TFCP2L1: variants seen among roughly 807,000 people sequenced by gnomAD.
The protein encoded by TFCP2L1 is transcription factor CP2-like protein 1.
A neutral mutation model predicts 72.2 loss-of-function variants in TFCP2L1; 12 were observed. The observed-to-expected ratio is 0.17, with a 90% CI of 0.11 to 0.27. TFCP2L1 has a LOEUF of 0.27. TFCP2L1 is among the 10% of genes least tolerant of loss of function. TFCP2L1 has a pLI of 1.00. For missense variants in TFCP2L1, 488 were observed against 624.6 expected (o/e 0.78, Z 2.33); for synonymous variants, 260 against 251.0 (o/e 1.04, Z -0.34).
At chr2:121,279,064 C>CA (rs1237033593) in intron 2 of TFCP2L1, among the ~76,000 whole-genome samples, 1 of 151,982 alleles carries the variant, frequency 6.6e-6, no homozygotes, top group Non-Finnish European at 1.5e-5. Flanking sequence ...ATGGCCTTAC[C>CA]AACAGGAGCA....
At chr2:121,231,265 C>A (rs1686137977) in intron 13 of TFCP2L1, among the ~76,000 whole-genome samples, 1 of 152,244 alleles carries the variant, frequency 6.6e-6, no homozygotes, top group Admixed American at 6.5e-5. Context: ...GAATGCCTAA[C>A]CCTTTGGCAG....
At chr2:121,262,572 A>T (rs1401454580) in intron 2 of TFCP2L1, among the ~76,000 whole-genome samples, 1 of 152,246 alleles carries the variant, frequency 6.6e-6, no homozygotes, top group Non-Finnish European at 1.5e-5. Context: ...CTCAGGAGAC[A>T]TGGCAACTCC....
At chr2:121,233,943 A>G in intron 12 of TFCP2L1, 148 bp downstream of exon 12, 1 of 707,216 alleles carries the variant, frequency 1.4e-6, no homozygotes, top group Non-Finnish European at 2.4e-6. Context: ...AGGAGCATGC[A>G]CTAGGCTGCC....
chr2:121,271,669 T>C (rs1252356042), intron 2 of TFCP2L1, among the ~76,000 whole-genome samples: 1 of 152,242 alleles, frequency 6.6e-6, no homozygotes, highest in Non-Finnish European at 1.5e-5. Context: ...TGGGTACTTA[T>C]TGTTTGCCAG....
Position 121,220,889 on chromosome 2 carries a change from G to C in TFCP2L1, c.*3452C>G, listed in dbSNP as rs116740749. ...AGCTATAAGCTTTAACTACAACCACGAGAAGGTAAGAAGAGCAGATGCCAG... is the reference window on the plus strand; with the variant it reads ...AGCTATAAGCTTTAACTACAACCACCAGAAGGTAAGAAGAGCAGATGCCAG... On this transcript the variant is annotated 3_prime_UTR_variant, in exon 15 of 15. Coordinates refer to ENST00000263707, the MANE Select transcript of TFCP2L1 (RefSeq NM_014553.3). 6.6e-6 allele frequency: 1 copy of C among 152,090 alleles called. No homozygotes were observed. The highest frequency in any genetic ancestry group is 6.6e-5 in the Admixed American group (1 of 15,266). 9.4% of individuals were successfully genotyped at this position (152,090 alleles called of 1,614,324 possible). A position where few individuals can be genotyped will look rare whatever the true frequency, so the allele number is the denominator to read the frequency against.
At chr2:121,225,484 G>T in intron 14 of TFCP2L1, 78 bp downstream of exon 14, 1 of 1,393,382 alleles carries the variant, frequency 7.2e-7, no homozygotes, top group Non-Finnish European at 1.0e-6. Context: ...AGCACTCTCT[G>T]GAAGGGCCCA....
rs71829928 is a variant in TFCP2L1 at position 121,250,346 on chromosome 2, T to TTATATATATA, written c.215-709_215-700dup. On this transcript the variant is annotated intron_variant, in intron 2 of 14. Coordinates refer to ENST00000263707, the MANE Select transcript of TFCP2L1 (RefSeq NM_014553.3). ...GATACACCATGTTCCCAGAAGACTG[T>TTATATATATA]TATATATATATATATATACACACAC... Among the ~76,000 whole-genome samples, 196 of 142,074 alleles carry TTATATATATA rather than the reference T, an allele frequency of 1.4e-3. 2 individuals are homozygous for TTATATATATA. The highest frequency in any genetic ancestry group is 4.8e-3 in the African/African-American group (181 of 37,542). The allele number at this position is 142,074 out of a possible 152,430, so 93.2% of individuals were successfully genotyped here.
chr2:121,249,109 G>T (rs761538689), intron 3 of TFCP2L1, 22 bp from the exon 4 acceptor site: 22 of 1,525,024 alleles, frequency 1.4e-5, no homozygotes. Flanking sequence ...GGCCAGCAGG[G>T]AAACAAGTGA....
Position 121,246,805 on chromosome 2 carries a change from G to A in TFCP2L1, c.657+13C>T, listed in dbSNP as rs200029800. On this transcript the variant is annotated intron_variant, in intron 6 of 14. Coordinates refer to ENST00000263707, the MANE Select transcript of TFCP2L1 (RefSeq NM_014553.3). ...AGCAGCAGGGCACGGCAGAGCCTGC[G>A]AAGCCATCCTACCTTGAACACCTTG... The A allele has an allele frequency of 2.9e-5, 46 of 1,613,996 alleles. No individual in the cohort carries two copies. The highest frequency in any genetic ancestry group is 1.5e-4 in the African/African-American group (11 of 75,052).
chr2:121,254,294 TCAAA>T (rs757054296), intron 2 of TFCP2L1, among the ~76,000 whole-genome samples: 2 of 152,098 alleles, frequency 1.3e-5, no homozygotes, highest in Non-Finnish European at 2.9e-5. Context: ...CTGGAGTACA[TCAAA>T]CAGTCCTGGA....
chr2:121,277,686 A>G (rs1573399235), intron 2 of TFCP2L1, among the ~76,000 whole-genome samples: 1 of 152,366 alleles, frequency 6.6e-6, no homozygotes, highest in Middle Eastern at 3.4e-3. Flanking sequence ...GAAATATACA[A>G]TGTAATACTA....
At position 121,216,958 on chromosome 2, in the gene TFCP2L1, TC is replaced by T. The variant is rs1473995833; in HGVS notation, c.*7382del. 1 of 152,250 alleles carries T rather than the reference TC, an allele frequency of 6.6e-6. No individual in the cohort carries two copies. The highest frequency in any genetic ancestry group is 1.9e-4 in the East Asian group (1 of 5,188). 9.4% of individuals were successfully genotyped at this position (152,250 alleles called of 1,614,324 possible). A position where few individuals can be genotyped will look rare whatever the true frequency, so the allele number is the denominator to read the frequency against. ...GGCTGCAGAGAGGCACCCCAAACAG[TC>T]CCCTTCTCTTCTGTGGTTAACCAAG... On this transcript the variant is annotated 3_prime_UTR_variant, in exon 15 of 15. Transcript: ENST00000263707.
intron 2 of TFCP2L1, among the ~76,000 whole-genome samples, chr2:121,254,592 G>A (rs1218829735): frequency 1.3e-5 from 2 of 152,220 alleles, no homozygotes; most frequent in Non-Finnish European, 2.9e-5. Flanking sequence ...GAGGTCAGGA[G>A]TTCGAGACCA....
At chr2:121,282,895 CT>C (rs1687293355) in intron 1 of TFCP2L1, among the ~76,000 whole-genome samples, 1 of 152,192 alleles carries the variant, frequency 6.6e-6, no homozygotes, top group African/African-American at 2.4e-5. Context: ...GAGCACACAC[CT>C]GGAAAACCTG....
At chr2:121,241,902 C>A (rs1221455862) in intron 7 of TFCP2L1, among the ~76,000 whole-genome samples, 8 of 151,948 alleles carry the variant, frequency 5.3e-5, no homozygotes, top group Non-Finnish European at 1.0e-4. Context: ...TATATAAATG[C>A]AGGCATGGGG....
intron 1 of TFCP2L1, among the ~76,000 whole-genome samples, chr2:121,283,644 C>T (rs544214138): frequency 6.6e-6 from 1 of 152,204 alleles, no homozygotes; most frequent in African/African-American, 2.4e-5. Context: ...TGTTCCCTAA[C>T]GGGGTGAGGA....
rs532914147 is a variant in TFCP2L1, at chr2:121,273,208, G to A, written c.214+7912C>T. On this transcript the variant is annotated intron_variant, in intron 2 of 14. Transcript: ENST00000263707. Reference sequence around the variant, plus strand: ...AGAAAATATCAAAGCATTCCCCACCGCAAGTCATTTTTGCAATGTTGTTTC... The same window carrying A: ...AGAAAATATCAAAGCATTCCCCACCACAAGTCATTTTTGCAATGTTGTTTC... 3.1e-4 allele frequency among the ~76,000 whole-genome samples: 47 copies of A among 151,306 alleles called. 1 individual carries two copies. Among genetic ancestry groups the A allele is most frequent in the East Asian group, 1.9e-3 (10 of 5,182 alleles).
At chr2:121,262,417 T>C (rs1686844594) in intron 2 of TFCP2L1, among the ~76,000 whole-genome samples, 1 of 152,132 alleles carries the variant, frequency 6.6e-6, no homozygotes, top group Non-Finnish European at 1.5e-5. Context: ...TGAGCCAAGA[T>C]TGCACCACTG....
intron 2 of TFCP2L1, among the ~76,000 whole-genome samples, chr2:121,259,512 G>A (rs1686791757): frequency 6.6e-6 from 1 of 152,168 alleles, no homozygotes; most frequent in African/African-American, 2.4e-5. Context: ...GAATCTGATG[G>A]AGGATATACA....
Sources: allele counts gnomAD v4.1 joint callset (sites outside exome capture counted in the v4.1 genomes callset), GRCh38; gene constraint gnomAD v4.1.1; transcripts MANE v1.5; gene names NCBI Gene and HGNC (gene_info 2026-07-23, HGNC 2026-07-21).